The following COL4A4 variants were observed in gnomAD, a reference collection of about 807,000 sequenced individuals.
COL4A4 encodes collagen alpha-4(IV) chain.
A neutral mutation model predicts 192.9 loss-of-function variants in COL4A4; 105 were observed. That is an observed-to-expected ratio of 0.54 (90% confidence interval 0.46 to 0.64). The LOEUF (loss-of-function observed/expected upper bound fraction) is 0.64, where lower values mean the gene tolerates loss of function less well. Ranked by LOEUF, COL4A4 falls within the 30% of genes least tolerant of loss-of-function variation. COL4A4 has a pLI of 0.00. For missense variants in COL4A4, 1,967 were observed against 2,169.3 expected, an observed-to-expected ratio of 0.91 and a Z score of 1.85; for synonymous variants, 762 against 769.9, an observed-to-expected ratio of 0.99 and a Z score of 0.17.
chr2:227,118,917 T>C (rs1204492793), intron 6 of COL4A4, among the ~76,000 whole-genome samples, 156 bp from the exon 7 acceptor site: 2 of 152,232 alleles, frequency 1.3e-5, no homozygotes, highest in South Asian at 2.1e-4. Context: ...CTACGTAGCA[T>C]GTAAAAATAA....
chr2:227,087,211 A>T (rs1202723366), intron 22 of COL4A4, among the ~76,000 whole-genome samples: 9 of 152,178 alleles, frequency 5.9e-5, no homozygotes, highest in Admixed American at 3.3e-4. Context: ...ACCAAATGAG[A>T]ACCACCTTGA....
chr2:227,133,372 C>G (rs1185505490), intron 4 of COL4A4, among the ~76,000 whole-genome samples: 1 of 152,220 alleles, frequency 6.6e-6, no homozygotes, highest in Non-Finnish European at 1.5e-5. Flanking sequence ...GTGTAGTAGG[C>G]AGATAAAAGC....
intron 1 of COL4A4, among the ~76,000 whole-genome samples, chr2:227,156,966 C>T (rs1422631413): frequency 6.6e-6 from 1 of 152,114 alleles, no homozygotes. Context: ...ATCTGAACAA[C>T]ACTATCAACC....
At chr2:227,089,583 T>G (rs557735859) in intron 21 of COL4A4, among the ~76,000 whole-genome samples, 1 of 76,978 alleles carries the variant, frequency 1.3e-5, no homozygotes, top group Non-Finnish European at 3.0e-5. Context: ...GGCAGGCAAA[T>G]GTTCCATATA....
chr2:227,102,003 T>C (rs2060552378), intron 15 of COL4A4, 94 bp from the exon 16 acceptor site: 3 of 875,322 alleles, frequency 3.4e-6, no homozygotes, highest in Non-Finnish European at 5.5e-6. Flanking sequence ...AATTGTTCCA[T>C]GGATATTTGG....
At chr2:227,115,266 A>ATTTTTT (rs2061428380) in intron 7 of COL4A4, among the ~76,000 whole-genome samples, 2 of 140,726 alleles carry the variant, frequency 1.4e-5, no homozygotes, top group African/African-American at 5.6e-5. Flanking sequence ...TCCTACTTTA[A>ATTTTTT]TTCTTTTTTT....
intron 4 of COL4A4, among the ~76,000 whole-genome samples, chr2:227,133,988 G>C (rs932933556): frequency 6.6e-6 from 1 of 152,138 alleles, no homozygotes; most frequent in Non-Finnish European, 1.5e-5. Context: ...TTTAACTTTT[G>C]CAAGTTTTTT....
intron 25 of COL4A4, among the ~76,000 whole-genome samples, chr2:227,062,885 A>G (rs1977481812): frequency 6.6e-6 from 1 of 152,252 alleles, no homozygotes; most frequent in African/African-American, 2.4e-5. Context: ...AGCAATGTAG[A>G]TGATAAAAAT....
Position 227,007,380 on chromosome 2 carries a change from CTTTCT to C in COL4A4, c.5013_5017del (p.Glu1672ProfsTer17). 6.2e-7 allele frequency: 1 copy of C among 1,614,214 alleles called. No individual in the cohort carries two copies. Among genetic ancestry groups the C allele is most frequent in the Admixed American group, 1.7e-5 (1 of 60,016 alleles). ...GCTGATTTTCTGGCGTTGGGCCTGG[CTTTCT>C]TTTAAGGTGTCTGGTGCTGGAGCAG... is the stretch of plus-strand genomic sequence containing the variant. On this transcript the variant is annotated frameshift_variant, in exon 48 of 48. Coordinates refer to ENST00000396625, the MANE Select transcript of COL4A4 (RefSeq NM_000092.5). LOFTEE classifies it high-confidence loss of function.
chr2:227,033,329 A>G (rs1968825938), intron 38 of COL4A4, 81 bp downstream of exon 38: 7 of 1,197,352 alleles, frequency 5.8e-6, no homozygotes, highest in African/African-American at 1.5e-5. Flanking sequence ...CATGAAGTGC[A>G]GAAATACCAG....
chr2:226,990,829 G>A, the COL4A4 span, among the ~76,000 whole-genome samples: 1 of 152,144 alleles, frequency 6.6e-6, no homozygotes, highest in Non-Finnish European at 1.5e-5. Flanking sequence ...GAGTAAAATT[G>A]AGGGCTGACC....
chr2:227,090,575 C>G (rs536979710), intron 20 of COL4A4, among the ~76,000 whole-genome samples: 3 of 151,362 alleles, frequency 2.0e-5, no homozygotes, highest in South Asian at 2.1e-4. Context: ...ATGGTAAAAC[C>G]CCCCCCATCT....
At chr2:226,986,570 A>C in the COL4A4 span, among the ~76,000 whole-genome samples, 18,963 of 152,284 alleles carry the variant, frequency 0.12, 1,283 homozygotes, top group African/African-American at 0.17. Context: ...GCCAAGAAGC[A>C]TATGAAAAAA....
chr2:227,046,409 T>G (rs1342800869), intron 35 of COL4A4, among the ~76,000 whole-genome samples: 1 of 151,948 alleles, frequency 6.6e-6, no homozygotes, highest in African/African-American at 2.4e-5. Flanking sequence ...GTTTCTAACC[T>G]GACCACTATT....
At chr2:227,047,082 T>G (rs1157582673) in intron 35 of COL4A4, among the ~76,000 whole-genome samples, 1 of 152,062 alleles carries the variant, frequency 6.6e-6, no homozygotes, top group East Asian at 1.9e-4. Flanking sequence ...AATGACAACC[T>G]GCAGCTGTAG....
Position 227,060,133 on chromosome 2 carries a change from G to C in COL4A4, c.2164+3C>G. The C allele has an allele frequency of 2.9e-6, 2 of 681,146 alleles. No homozygotes were observed. Among genetic ancestry groups the C allele is most frequent in the East Asian group, 3.7e-5 (1 of 26,756 alleles). The allele number at this position is 681,146 out of a possible 1,614,324, so 42.2% of individuals were successfully genotyped here. A position where few individuals can be genotyped will look rare whatever the true frequency, so the allele number is the denominator to read the frequency against. ...AAAAAAAAAAAAAAAAAACCTCACT[G>C]ACCAGGTGGACCTGGTATTTCCGCT... On this transcript the variant is annotated splice_donor_region_variant and intron_variant, in intron 27 of 47. Transcript: ENST00000396625.
At chr2:226,988,475 G>A in the COL4A4 span, 1 of 1,545,420 alleles carries the variant, frequency 6.5e-7, no homozygotes, top group Non-Finnish European at 8.7e-7. Flanking sequence ...CAGGGTCCCT[G>A]TAGTGGAGTT....
chr2:227,126,794 C>T (rs1301459351), intron 4 of COL4A4, among the ~76,000 whole-genome samples: 2 of 152,110 alleles, frequency 1.3e-5, no homozygotes, highest in Non-Finnish European at 2.9e-5. Context: ...ATAATTTATT[C>T]ACAGCATACA....
At chr2:227,020,743 C>T (rs1965842422) in intron 44 of COL4A4, among the ~76,000 whole-genome samples, 1 of 152,126 alleles carries the variant, frequency 6.6e-6, no homozygotes, top group Admixed American at 6.5e-5. Flanking sequence ...TTTCTAGACT[C>T]ATAGCTACTA....
Sources: gnomAD v4.1 joint callset for allele counts (sites outside exome capture counted in the v4.1 genomes callset) on GRCh38, gnomAD v4.1.1 for gene constraint, MANE v1.5 for transcripts, NCBI Gene and HGNC (gene_info 2026-07-23, HGNC 2026-07-21) for gene names.